The following NDUFAF6 variants were observed in gnomAD, a reference collection of about 807,000 sequenced individuals.
The protein encoded by NDUFAF6 is NADH:ubiquinone oxidoreductase complex assembly factor 6.
A neutral mutation model predicts 40.8 loss-of-function variants in NDUFAF6; 45 were observed. The observed-to-expected ratio is 1.10, with a 90% CI of 0.87 to 1.42. The LOEUF is 1.42. Among genes scored for constraint, NDUFAF6 ranks in the 40% most tolerant of loss-of-function variants. The probability of loss-of-function intolerance (pLI) is 0.00; values close to 1 mark genes in which losing one functional copy is unlikely to be tolerated. For missense variants in NDUFAF6, 435 were observed against 418.5 expected (o/e 1.04, Z -0.34); for synonymous variants, 185 against 155.9 (o/e 1.19, Z -1.39).
At chr8:94,977,909 G>T (rs1388491793) in intron 1 of NDUFAF6, among the ~76,000 whole-genome samples, 1 of 152,128 alleles carries the variant, frequency 6.6e-6, no homozygotes, top group Non-Finnish European at 1.5e-5. Flanking sequence ...CATATCAGTG[G>T]TTTTCCTCCC....
chr8:95,098,475 G>C (rs536908336), upstream of NDUFAF6, among the ~76,000 whole-genome samples: 5 of 152,258 alleles, frequency 3.3e-5, no homozygotes, highest in East Asian at 9.7e-4. Flanking sequence ...AGACCAGCCT[G>C]ACCAACATGG....
chr8:95,113,046 C>T (rs558609735), intron 4 of NDUFAF6, among the ~76,000 whole-genome samples: 59 of 152,268 alleles, frequency 3.9e-4, no homozygotes, highest in African/African-American at 1.3e-3. Context: ...GCTGAGTAGA[C>T]GATCTCTTTG....
intron 2 of NDUFAF6, among the ~76,000 whole-genome samples, chr8:94,997,013 C>G (rs1256423660): frequency 6.6e-6 from 1 of 152,074 alleles, no homozygotes; most frequent in Non-Finnish European, 1.5e-5. Flanking sequence ...GAGCTGACTA[C>G]TACAAAGGGT....
At chr8:95,082,063 CAAA>C (rs974090325) in intron 2 of NDUFAF6, among the ~76,000 whole-genome samples, 10 of 147,048 alleles carry the variant, frequency 6.8e-5, no homozygotes, top group Middle Eastern at 3.4e-3. Context: ...GACTCCGTCT[CAAA>C]AAAAAACAAC....
rs1326945627 is a variant in NDUFAF6 at position 95,046,802 on chromosome 8, A to G, written c.581-192A>G. Reference sequence around the variant, plus strand: ...CTCTTATTTAAAAGTTGAGATTGAGATTTAGATATCTGCTAGTGGTAAATG... The same window carrying G: ...CTCTTATTTAAAAGTTGAGATTGAGGTTTAGATATCTGCTAGTGGTAAATG... On this transcript the variant is annotated intron_variant, in intron 5 of 8. Transcript: ENST00000396124. 2.6e-5 allele frequency among the ~76,000 whole-genome samples: 4 copies of G among 152,258 alleles called. No individual in the cohort carries two copies. The East Asian group carries it at 7.7e-4, about 29-fold the overall frequency.
chr8:95,039,462 A>AG (rs1414846173), intron 3 of NDUFAF6, among the ~76,000 whole-genome samples: 43 of 148,308 alleles, frequency 2.9e-4, no homozygotes, highest in East Asian at 5.9e-4. Context: ...AAAAAAAAAA[A>AG]AGGGGGGGTT....
chr8:94,913,425 A>G (rs1282376379), intron 1 of NDUFAF6, among the ~76,000 whole-genome samples: 5 of 152,156 alleles, frequency 3.3e-5, no homozygotes, highest in African/African-American at 1.2e-4. Context: ...TCACCATATC[A>G]TCTAGTGATT....
chr8:94,901,042 G>A (rs528956307), intron 1 of NDUFAF6, among the ~76,000 whole-genome samples: 1 of 152,256 alleles, frequency 6.6e-6, no homozygotes, highest in South Asian at 2.1e-4. Context: ...GAGAACAGGA[G>A]GTGCTATGTT....
intron 1 of NDUFAF6, among the ~76,000 whole-genome samples, chr8:94,933,615 A>G (rs749115610): frequency 2.1e-4 from 32 of 152,144 alleles, no homozygotes; most frequent in Non-Finnish European, 1.2e-4. Context: ...AAACACAACA[A>G]TTAGCCAGGT....
intron 1 of NDUFAF6, among the ~76,000 whole-genome samples, chr8:94,941,288 T>C (rs979203659): frequency 6.6e-6 from 1 of 152,220 alleles, no homozygotes; most frequent in Non-Finnish European, 1.5e-5. Context: ...ATTCAACCTA[T>C]AAATATCTTA....
intron 1 of NDUFAF6, 103 bp downstream of exon 1, chr8:95,025,308 C>A: frequency 8.5e-7 from 1 of 1,178,972 alleles, no homozygotes; most frequent in Non-Finnish European, 1.1e-6. Context: ...CGGACCGGCG[C>A]CTTCCTCGTG....
upstream of NDUFAF6, among the ~76,000 whole-genome samples, chr8:94,956,826 C>A (rs979379236): frequency 2.0e-5 from 3 of 152,076 alleles, no homozygotes; most frequent in Non-Finnish European, 4.4e-5. Flanking sequence ...GAAAGAGAAT[C>A]AAGGATGGTG....
intron 7 of NDUFAF6, among the ~76,000 whole-genome samples, chr8:95,051,882 T>G (rs187229266): frequency 6.6e-6 from 1 of 152,316 alleles, no homozygotes; most frequent in Admixed American, 6.5e-5. Flanking sequence ...CAAGTATTTC[T>G]TCATTTTCCC....
At chr8:95,091,503 C>A (rs753244213) in intron 2 of NDUFAF6, among the ~76,000 whole-genome samples, 1 of 152,070 alleles carries the variant, frequency 6.6e-6, no homozygotes, top group Non-Finnish European at 1.5e-5. Context: ...GACACAGAGT[C>A]TAACCATATC....
intron 1 of NDUFAF6, among the ~76,000 whole-genome samples, chr8:94,968,368 G>A (rs1824190878): frequency 6.6e-6 from 1 of 152,176 alleles, no homozygotes; most frequent in Non-Finnish European, 1.5e-5. Flanking sequence ...TCATATGTCA[G>A]GGGTGATAAG....
intron 2 of NDUFAF6, among the ~76,000 whole-genome samples, chr8:94,985,533 T>C (rs1422660632): frequency 1.5e-5 from 1 of 65,174 alleles, no homozygotes; most frequent in Admixed American, 1.6e-4. Flanking sequence ...TTTTTTTTTT[T>C]TTTTTTTTTT....
At chr8:94,907,235 TAC>T (rs1818451462) in intron 1 of NDUFAF6, among the ~76,000 whole-genome samples, 1 of 152,240 alleles carries the variant, frequency 6.6e-6, no homozygotes, top group African/African-American at 2.4e-5. Context: ...TACTGTCTAA[TAC>T]TAGAGTTTGC....
chr8:94,942,305 G>A (rs1025446483), intron 1 of NDUFAF6, among the ~76,000 whole-genome samples: 3 of 151,968 alleles, frequency 2.0e-5, no homozygotes, highest in Admixed American at 2.0e-4. Context: ...CTCCCAAAGT[G>A]CTAGGATTAC....
intron 2 of NDUFAF6, among the ~76,000 whole-genome samples, chr8:95,094,010 G>T (rs545999615): frequency 6.6e-6 from 1 of 152,034 alleles, no homozygotes; most frequent in African/African-American, 2.4e-5. Flanking sequence ...TCACTCTGTT[G>T]CCCAGGCTAG....
Sources: gnomAD v4.1 joint callset for allele counts (sites outside exome capture counted in the v4.1 genomes callset) on GRCh38, gnomAD v4.1.1 for gene constraint, MANE v1.5 for transcripts, NCBI Gene and HGNC (gene_info 2026-07-23, HGNC 2026-07-21) for gene names.